The following PIEZO2 variants were observed in gnomAD, a reference collection of about 807,000 sequenced individuals.
PIEZO2 encodes the protein piezo-type mechanosensitive ion channel component 2.
In PIEZO2, 172 loss-of-function variants were observed where a neutral mutation model predicts 337.3. The ratio of observed to expected loss-of-function variants is 0.51; its 90% CI spans 0.45 to 0.58. The LOEUF (loss-of-function observed/expected upper bound fraction) is 0.58. Among genes scored for constraint, PIEZO2 ranks in the 20% least tolerant of loss-of-function variants. The pLI is 0.00. For synonymous variants in PIEZO2, 1,251 were observed against 1,228.5 expected (o/e 1.02, Z -0.38); for missense variants, 3,028 against 3,391.3 (o/e 0.89, Z 2.66).
chr18:10,966,738 T>C (rs979412890), intron 3 of PIEZO2, among the ~76,000 whole-genome samples: 5 of 152,170 alleles, frequency 3.3e-5, no homozygotes, highest in Admixed American at 3.3e-4. Context: ...GTGTACACTG[T>C]ACCCAATGTG....
chr18:11,111,913 A>G lies in PIEZO2; in HGVS notation c.64+36612T>C, dbSNP rs573930382. On this transcript the variant is annotated intron_variant, in intron 1 of 55. Coordinates refer to ENST00000674853, the MANE Select transcript of PIEZO2 (RefSeq NM_001378183.1). This position sits in a 1 kb window ranked among gnomAD's most constrained non-coding sequence, Gnocchi z 6.2. The stretch of plus-strand genomic sequence containing the variant: ...CAATGTGTCTCTTTTAAGATAAAAC[A>G]CAAGATCTCAAAGAAACGATCTTCT... 1.2e-4 allele frequency among the ~76,000 whole-genome samples: 19 copies of G among 152,366 alleles called. No individual in the cohort carries two copies. Among genetic ancestry groups the G allele is most frequent in the Non-Finnish European group, 2.2e-4 (15 of 68,038 alleles).
chr18:10,763,215 T>C (rs1324613556), intron 21 of PIEZO2, 117 bp from the exon 22 acceptor site: 25 of 1,141,928 alleles, frequency 2.2e-5, no homozygotes, highest in Non-Finnish European at 3.1e-5. Flanking sequence ...ACTGGATTCC[T>C]AGCATGCGCA....
In PIEZO2 at chr18:10,866,924, C is replaced by T. The variant is rs568810765; in HGVS notation, c.492+4329G>A. Among the ~76,000 whole-genome samples, 18 of 152,154 alleles carry T rather than the reference C, an allele frequency of 1.2e-4. No individual in the cohort carries two copies. The South Asian group carries it at 1.7e-3, about 14-fold the overall frequency. On this transcript the variant is annotated intron_variant, in intron 5 of 55. Coordinates refer to ENST00000674853, the MANE Select transcript of PIEZO2 (RefSeq NM_001378183.1). ...TCCCCAAGAAGGCAGACCAAGTGTC[C>T]GACATTTTGAGGTATGTATGACAGG...
rs143021360 is a variant in PIEZO2 at position 11,109,366 on chromosome 18, G to C, written c.64+39159C>G. ...TGTATTTTAATGGCCGTCTCTGTTA[G>C]CTATTTGATGGGGTGGCAGGTGGGA... On this transcript the variant is annotated intron_variant, in intron 1 of 55. Transcript: ENST00000674853. The surrounding 1 kb of genome is among the most constrained non-coding windows in gnomAD (Gnocchi z 5.1). Among the ~76,000 whole-genome samples, 427 of 152,304 alleles carry C rather than the reference G, an allele frequency of 2.8e-3. No individual in the cohort carries two copies. The highest frequency in any genetic ancestry group is 4.6e-3 in the Non-Finnish European group (316 of 68,032).
chr18:10,946,786 T>A (rs2033046458), intron 3 of PIEZO2, among the ~76,000 whole-genome samples: 1 of 152,010 alleles, frequency 6.6e-6, no homozygotes, highest in Non-Finnish European at 1.5e-5. Context: ...TAATACAATA[T>A]CCAAAACACC....
At chr18:10,785,864 A>G (rs1236451795) in intron 16 of PIEZO2, among the ~76,000 whole-genome samples, 3 of 152,134 alleles carry the variant, frequency 2.0e-5, no homozygotes, top group Admixed American at 1.3e-4. Context: ...TAAAGATTGG[A>G]AAATTCCACC....
chr18:11,035,418 T>G lies in PIEZO2; in HGVS notation c.160+30709A>C. Among the ~76,000 whole-genome samples, 1 of 152,010 alleles carries G rather than the reference T, an allele frequency of 6.6e-6. No individual in the cohort carries two copies. ...CACAATGAGTAAAAGCTTCCTGAGG[T>G]CTTGACCAGAAGAACGCCAGTGCCG... is the stretch of plus-strand genomic sequence containing the variant. On this transcript the variant is annotated intron_variant, in intron 2 of 55. Coordinates refer to ENST00000674853, the MANE Select transcript of PIEZO2 (RefSeq NM_001378183.1). The surrounding 1 kb of genome is among the most constrained non-coding windows in gnomAD (Gnocchi z 4.3).
At chr18:10,984,658 G>A (rs1258943302) in intron 2 of PIEZO2, among the ~76,000 whole-genome samples, 1 of 152,014 alleles carries the variant, frequency 6.6e-6, no homozygotes, top group Non-Finnish European at 1.5e-5. Context: ...AAAAATAAAG[G>A]GGAAGAAAGC....
At chr18:10,907,835 G>C (rs1176318373) in intron 4 of PIEZO2, among the ~76,000 whole-genome samples, 1 of 152,210 alleles carries the variant, frequency 6.6e-6, no homozygotes, top group Admixed American at 6.5e-5. Context: ...ACCAACATTT[G>C]ATAGGCACAG....
intron 2 of PIEZO2, among the ~76,000 whole-genome samples, chr18:11,034,270 C>T (rs1374290801): frequency 2.0e-5 from 3 of 151,968 alleles, no homozygotes; most frequent in Admixed American, 6.5e-5. Flanking sequence ...AGTCTATTTA[C>T]TGATTAAATG....
At chr18:11,079,060 G>A (rs1424235693) in intron 1 of PIEZO2, among the ~76,000 whole-genome samples, 1 of 152,122 alleles carries the variant, frequency 6.6e-6, no homozygotes, top group Non-Finnish European at 1.5e-5. Context: ...ACATTTTTGA[G>A]CTCACTATAG....
At position 10,931,911 on chromosome 18, in the gene PIEZO2, C is replaced by G. The variant is rs558003895; in HGVS notation, c.287-20683G>C. On this transcript the variant is annotated intron_variant, in intron 3 of 55. Transcript: ENST00000674853. Reference sequence around the variant, plus strand: ...CCTCTGGGTTGGGCACAGTATGTTTCTGTCTTTTTTGGTTGTTTCAATAAT... The same window carrying G: ...CCTCTGGGTTGGGCACAGTATGTTTGTGTCTTTTTTGGTTGTTTCAATAAT... Among the ~76,000 whole-genome samples the G allele has an allele frequency of 4.2e-4, 64 of 152,302 alleles. 1 individual carries two copies. Among genetic ancestry groups the G allele is most frequent in the Admixed American group, 4.2e-3 (64 of 15,302 alleles).
chr18:10,954,186 T>C lies in PIEZO2; in HGVS notation c.286+25349A>G, dbSNP rs2033424190. ...TGTAGTTTTTTTTCCATATATATTTTAGAGTCAGCTTGTTGATTTCTACAA... is the reference window on the plus strand; with the variant it reads ...TGTAGTTTTTTTTCCATATATATTTCAGAGTCAGCTTGTTGATTTCTACAA... On this transcript the variant is annotated intron_variant, in intron 3 of 55. Transcript: ENST00000674853. The surrounding 1 kb of genome is among the most constrained non-coding windows in gnomAD (Gnocchi z 4.2). 6.6e-6 allele frequency among the ~76,000 whole-genome samples: 1 copy of C among 152,240 alleles called. No homozygotes were observed. Among genetic ancestry groups the C allele is most frequent in the South Asian group, 2.1e-4 (1 of 4,836 alleles).
intron 3 of PIEZO2, among the ~76,000 whole-genome samples, chr18:10,931,174 C>A (rs1344858894): frequency 2.6e-5 from 4 of 151,682 alleles, no homozygotes; most frequent in Non-Finnish European, 5.9e-5. Flanking sequence ...AAATATATAT[C>A]TACTTATAAT....
intron 3 of PIEZO2, among the ~76,000 whole-genome samples, chr18:10,915,404 C>T (rs2030856999): frequency 1.3e-5 from 2 of 150,986 alleles, no homozygotes; most frequent in Admixed American, 6.6e-5. Context: ...TAAGTCGGGG[C>T]TCTGATACCT....
intron 2 of PIEZO2, among the ~76,000 whole-genome samples, chr18:10,999,878 C>T (rs140027940): frequency 4.3e-4 from 65 of 152,246 alleles, no homozygotes; most frequent in African/African-American, 1.3e-3. Context: ...ATACAAACAC[C>T]TATGAGCTGG....
intron 5 of PIEZO2, among the ~76,000 whole-genome samples, chr18:10,869,209 T>C (rs1166651705): frequency 6.6e-6 from 1 of 152,206 alleles, no homozygotes. Context: ...CTCTCTTTTG[T>C]AGAAGAAGAA....
intron 7 of PIEZO2, among the ~76,000 whole-genome samples, chr18:10,844,276 C>T (rs958167075): frequency 3.8e-4 from 58 of 151,720 alleles, no homozygotes; most frequent in African/African-American, 1.4e-3. Context: ...GAAAATTAGC[C>T]GGGTGTGGTG....
At chr18:11,087,296 A>G (rs1178251439) in intron 1 of PIEZO2, among the ~76,000 whole-genome samples, 2 of 152,160 alleles carry the variant, frequency 1.3e-5, no homozygotes, top group Non-Finnish European at 2.9e-5. Context: ...GGAACAGACA[A>G]TGACACCACC....
Sources: gnomAD v4.1 joint callset for allele counts (sites outside exome capture counted in the v4.1 genomes callset) on GRCh38, gnomAD v4.1.1 for gene constraint, Gnocchi (gnomAD v3.1) non-coding constraint, MANE v1.5 for transcripts, NCBI Gene and HGNC (gene_info 2026-07-23, HGNC 2026-07-21) for gene names.